Variants in SPTLC3 observed in about 807,000 individuals in gnomAD.
The protein encoded by SPTLC3 is serine palmitoyltransferase long chain base subunit 3, also known as serine palmitoyltransferase 3.
Under a neutral mutation model 59.3 loss-of-function variants are expected in SPTLC3, and 36 were observed. The ratio of observed to expected loss-of-function variants is 0.61; its 90% confidence interval spans 0.47 to 0.80. The LOEUF is 0.80. SPTLC3 is among the 30% of genes least tolerant of loss of function. SPTLC3 has a pLI of 0.00. For synonymous variants in SPTLC3, 257 were observed against 240.8 expected (o/e 1.07, Z -0.62); for missense variants, 625 against 685.1 (o/e 0.91, Z 0.98).
chr20:13,018,386 T>C (rs978758541), intron 1 of SPTLC3, among the ~76,000 whole-genome samples: 3 of 152,226 alleles, frequency 2.0e-5, no homozygotes, highest in Non-Finnish European at 4.4e-5. Flanking sequence ...TCATAAGTTA[T>C]AAATTTCTGT....
intron 2 of SPTLC3, among the ~76,000 whole-genome samples, chr20:13,062,104 G>T (rs1164950774): frequency 6.6e-6 from 1 of 152,122 alleles, no homozygotes; most frequent in Non-Finnish European, 1.5e-5. Flanking sequence ...CCCTCTGCCT[G>T]GAATGGCCCT....
chr20:13,115,857 T>A (rs1025608763), intron 7 of SPTLC3, among the ~76,000 whole-genome samples: 1 of 152,192 alleles, frequency 6.6e-6, no homozygotes, highest in Non-Finnish European at 1.5e-5. Context: ...TCATCCTGTT[T>A]GTATTGCATA....
intron 1 of SPTLC3, among the ~76,000 whole-genome samples, chr20:13,021,544 C>CT (rs1174911248): frequency 1.9e-3 from 1 of 524 alleles, no homozygotes; most frequent in African/African-American, 0.012. Flanking sequence ...ACCACAACAG[C>CT]CCCCCCACCA....
At chr20:13,146,149 A>G (rs1439074105) in intron 9 of SPTLC3, among the ~76,000 whole-genome samples, 1 of 152,218 alleles carries the variant, frequency 6.6e-6, no homozygotes, top group Non-Finnish European at 1.5e-5. Flanking sequence ...GCTGGAGGCT[A>G]TTCTCCTTAG....
At position 13,157,940 on chromosome 20, in the gene SPTLC3, T is replaced by C. The variant is rs368068996; in HGVS notation, c.1416-2063T>C. 5.3e-5 allele frequency among the ~76,000 whole-genome samples: 8 copies of C among 152,376 alleles called. No individual in the cohort carries two copies. The South Asian group carries it at 1.0e-3, about 20-fold the overall frequency. On this transcript the variant is annotated intron_variant, in intron 10 of 11. Transcript: ENST00000399002. ...GGTGATCTCTCCACATTTCCTACTA[T>C]GCAGAATGAAAATATAGTCTGTAGC...
At chr20:13,086,549 G>T (rs1033982121) in intron 4 of SPTLC3, among the ~76,000 whole-genome samples, 5 of 152,104 alleles carry the variant, frequency 3.3e-5, no homozygotes, top group African/African-American at 1.2e-4. Flanking sequence ...GGGGCTTATT[G>T]TTTTCTATAT....
At chr20:13,150,999 T>G (rs539646594) in intron 9 of SPTLC3, among the ~76,000 whole-genome samples, 1 of 152,332 alleles carries the variant, frequency 6.6e-6, no homozygotes, top group African/African-American at 2.4e-5. Flanking sequence ...AGTTGCAATT[T>G]TACATCCATT....
rs1424266493 is a variant in SPTLC3, at chr20:13,103,638, C to T, written c.827-6474C>T. 2.6e-5 allele frequency among the ~76,000 whole-genome samples: 4 copies of T among 152,324 alleles called. No homozygotes were observed. In the East Asian group the frequency reaches 7.7e-4, roughly 29 times the overall value. On this transcript the variant is annotated intron_variant, in intron 6 of 11. Coordinates refer to ENST00000399002, the MANE Select transcript of SPTLC3 (RefSeq NM_018327.4). The stretch of plus-strand genomic sequence containing the variant: ...ATGACAAAGAATAAACCACCAACCA[C>T]ACCAGGAGCATATGGAAAGTGGAGG...
At chr20:13,040,116 A>C (rs541172059) in intron 1 of SPTLC3, among the ~76,000 whole-genome samples, 27 of 151,286 alleles carry the variant, frequency 1.8e-4, no homozygotes, top group Admixed American at 4.0e-4. Context: ...TTGTTACATC[A>C]ACTTTCTTAT....
intron 3 of SPTLC3, among the ~76,000 whole-genome samples, chr20:13,072,904 A>G (rs1988498748): frequency 6.6e-6 from 1 of 152,208 alleles, no homozygotes; most frequent in Non-Finnish European, 1.5e-5. Flanking sequence ...TCTCTTAGGG[A>G]AAACCATTTT....
chr20:13,041,423 C>T (rs1169961292), intron 1 of SPTLC3, among the ~76,000 whole-genome samples: 2 of 151,984 alleles, frequency 1.3e-5, no homozygotes, highest in Admixed American at 6.6e-5. Flanking sequence ...TTACACTTTT[C>T]GATTTCAGAA....
chr20:13,070,321 T>G (rs148956100), intron 2 of SPTLC3, among the ~76,000 whole-genome samples: 3 of 152,294 alleles, frequency 2.0e-5, no homozygotes, highest in African/African-American at 7.2e-5. Context: ...AAAAGTATAC[T>G]TTTTCCCCAA....
rs545803007 is a variant in SPTLC3, at chr20:13,025,081, G to A, written c.117+15697G>A. Among the ~76,000 whole-genome samples, 4 of 152,176 alleles carry A rather than the reference G, an allele frequency of 2.6e-5. No individual in the cohort carries two copies. In the South Asian group the frequency reaches 8.3e-4, roughly 32 times the overall value. ...ACTCCTTTCCTATGGCCCAAAATAA[G>A]AGCCACATGTAGAAAACTTCCTTTT... On this transcript the variant is annotated intron_variant, in intron 1 of 11. Coordinates refer to ENST00000399002, the MANE Select transcript of SPTLC3 (RefSeq NM_018327.4).
chr20:13,014,283 A>G (rs2122360777), intron 1 of SPTLC3, among the ~76,000 whole-genome samples: 1 of 152,362 alleles, frequency 6.6e-6, no homozygotes, highest in South Asian at 2.1e-4. Context: ...CCACCACAAT[A>G]GAAATATATG....
At chr20:13,122,871 T>C (rs1003135736) in intron 8 of SPTLC3, among the ~76,000 whole-genome samples, 9 of 152,202 alleles carry the variant, frequency 5.9e-5, no homozygotes, top group Non-Finnish European at 8.8e-5. Context: ...CTGAAAATCC[T>C]TGGTTTGATG....
At chr20:13,143,027 C>T (rs895225486) in intron 9 of SPTLC3, among the ~76,000 whole-genome samples, 9 of 152,156 alleles carry the variant, frequency 5.9e-5, no homozygotes, top group Admixed American at 3.9e-4. Context: ...AAGTTTTGTG[C>T]CCTTTGTAAA....
At position 13,009,118 on chromosome 20, in the gene SPTLC3, G is replaced by T; in HGVS notation, c.-150G>T. The T allele has an allele frequency of 1.5e-6, 1 of 660,610 alleles. No homozygotes were observed. The allele number at this position is 660,610 out of a possible 1,614,324, so 40.9% of individuals were successfully genotyped here. A position where few individuals can be genotyped will look rare whatever the true frequency, so the allele number is the denominator to read the frequency against. ...CAACGATCTGACAAAAAGATAGGCT[G>T]TTGCTCTTCTTCTGGAAAAGCCTGA... On this transcript the variant is annotated 5_prime_UTR_variant, in exon 1 of 12. Transcript: ENST00000399002.
chr20:13,041,843 T>C (rs756780245), intron 1 of SPTLC3, among the ~76,000 whole-genome samples: 1 of 151,986 alleles, frequency 6.6e-6, no homozygotes, highest in Non-Finnish European at 1.5e-5. Context: ...ACCTCTAAGG[T>C]TGCCACTTAG....
At chr20:13,010,448 G>A (rs1208081563) in intron 1 of SPTLC3, among the ~76,000 whole-genome samples, 1 of 152,134 alleles carries the variant, frequency 6.6e-6, no homozygotes, top group Admixed American at 6.5e-5. Context: ...ATTGGAAGAG[G>A]CTAAAGGAGC....
Sources: allele counts gnomAD v4.1 joint callset (sites outside exome capture counted in the v4.1 genomes callset), GRCh38; gene constraint gnomAD v4.1.1; transcripts MANE v1.5; gene names NCBI Gene and HGNC (gene_info 2026-07-23, HGNC 2026-07-21).